NKAIN3: variants seen among roughly 807,000 people sequenced by gnomAD.
NKAIN3 encodes sodium/potassium-transporting ATPase subunit beta-1-interacting protein 3.
Under a neutral mutation model 30.2 loss-of-function variants are expected in NKAIN3, and 25 were observed. The observed-to-expected ratio is 0.83, with a 90% CI of 0.60 to 1.16. The LOEUF (loss-of-function observed/expected upper bound fraction) is 1.16. NKAIN3 is among the 50% of genes most tolerant of loss of function. The probability of loss-of-function intolerance (pLI) is 0.00; values close to 1 mark genes in which losing one functional copy is unlikely to be tolerated. For missense variants in NKAIN3, 225 were observed against 254.1 expected (o/e 0.89, Z 0.78); for synonymous variants, 91 against 89.6 (o/e 1.02, Z -0.09).
rs1018358591 is a variant in NKAIN3 at position 62,400,218 on chromosome 8, T to C, written c.54+151091T>C. Among the ~76,000 whole-genome samples the C allele has an allele frequency of 1.3e-4, 19 of 145,176 alleles. 1 individual carries two copies. Among genetic ancestry groups the C allele is most frequent in the Non-Finnish European group, 2.4e-4 (16 of 66,944 alleles). On this transcript the variant is annotated intron_variant, in intron 1 of 6. Transcript: ENST00000623646. Reference sequence around the variant, plus strand: ...TTTCACTCTGTCACCCAGACTGGAGTGCAGTGGTGTGATCTCAGCTCTCAG... The same window carrying C: ...TTTCACTCTGTCACCCAGACTGGAGCGCAGTGGTGTGATCTCAGCTCTCAG...
At chr8:62,415,989 C>A (rs887319557) in intron 1 of NKAIN3, among the ~76,000 whole-genome samples, 3 of 152,066 alleles carry the variant, frequency 2.0e-5, no homozygotes, top group African/African-American at 4.8e-5. Context: ...ATCTCCTGAC[C>A]TCGTGATCCT....
intron 5 of NKAIN3, among the ~76,000 whole-genome samples, chr8:62,995,653 T>G (rs1016809861): frequency 2.0e-5 from 3 of 151,266 alleles, no homozygotes; most frequent in Non-Finnish European, 4.4e-5. Context: ...GTTGGGAGTT[T>G]AGAGAGGTAG....
chr8:62,853,134 G>A (rs549347714), intron 4 of NKAIN3, among the ~76,000 whole-genome samples: 2 of 152,138 alleles, frequency 1.3e-5, no homozygotes, highest in African/African-American at 4.8e-5. Context: ...GAATCTGGGT[G>A]CTCCTGTATT....
At chr8:62,912,049 TTTAC>T (rs1243130237) in intron 4 of NKAIN3, among the ~76,000 whole-genome samples, 10 of 152,030 alleles carry the variant, frequency 6.6e-5, no homozygotes, top group African/African-American at 2.4e-4. Context: ...CATCATAGAG[TTTAC>T]TTACACAGAA....
chr8:62,331,293 T>G (rs920532031), intron 1 of NKAIN3, among the ~76,000 whole-genome samples: 1 of 151,858 alleles, frequency 6.6e-6, no homozygotes, highest in African/African-American at 2.4e-5. Flanking sequence ...GAGTTAGAAC[T>G]CATACATGTT....
intron 3 of NKAIN3, among the ~76,000 whole-genome samples, chr8:62,660,392 G>C (rs1438117178): frequency 1.3e-5 from 2 of 152,158 alleles, no homozygotes; most frequent in African/African-American, 4.8e-5. Context: ...TTAAGTATAT[G>C]GATAGAGATG....
At chr8:62,281,132 T>C (rs576372359) in intron 1 of NKAIN3, among the ~76,000 whole-genome samples, 139 of 152,072 alleles carry the variant, frequency 9.1e-4, no homozygotes, top group African/African-American at 3.2e-3. Context: ...AATTCATCAA[T>C]TTCTTCTAGA....
chr8:62,812,230 A>C (rs1377636145), intron 4 of NKAIN3, among the ~76,000 whole-genome samples: 3 of 151,886 alleles, frequency 2.0e-5, no homozygotes, highest in Non-Finnish European at 4.4e-5. Context: ...CACTCTCATA[A>C]CTACAACTAT....
chr8:62,816,061 T>C (rs1818668093), intron 4 of NKAIN3, among the ~76,000 whole-genome samples: 1 of 152,202 alleles, frequency 6.6e-6, no homozygotes, highest in South Asian at 2.1e-4. Context: ...TGAAGAGTTA[T>C]TGTGTTCCTT....
At chr8:62,946,178 C>T (rs558691781) in intron 5 of NKAIN3, among the ~76,000 whole-genome samples, 68 of 152,178 alleles carry the variant, frequency 4.5e-4, no homozygotes, top group Non-Finnish European at 1.3e-4. Flanking sequence ...ACTTGGGCAT[C>T]ATCTCCCTGC....
intron 4 of NKAIN3, among the ~76,000 whole-genome samples, chr8:62,870,505 C>A (rs1343151641): frequency 7.5e-6 from 1 of 134,186 alleles, no homozygotes; most frequent in Non-Finnish European, 1.5e-5. Context: ...ACAATATATA[C>A]AATATGTACG....
chr8:62,398,891 A>T (rs555407430), intron 1 of NKAIN3, among the ~76,000 whole-genome samples: 15 of 152,324 alleles, frequency 9.8e-5, no homozygotes, highest in South Asian at 2.1e-4. Flanking sequence ...GGAGATCGAG[A>T]CCATCCTGGC....
chr8:62,499,682 C>T (rs761911193), intron 1 of NKAIN3, among the ~76,000 whole-genome samples: 14 of 152,036 alleles, frequency 9.2e-5, no homozygotes, highest in Non-Finnish European at 1.3e-4. Context: ...AAGATTAGGA[C>T]TTATATATCC....
At chr8:62,694,140 A>G (rs150867097) in intron 3 of NKAIN3, among the ~76,000 whole-genome samples, 4 of 152,188 alleles carry the variant, frequency 2.6e-5, no homozygotes, top group African/African-American at 9.6e-5. Flanking sequence ...ATTGTTCACT[A>G]TAGTCTTTCT....
At chr8:62,459,466 T>C (rs1029173636) in intron 1 of NKAIN3, among the ~76,000 whole-genome samples, 7 of 152,214 alleles carry the variant, frequency 4.6e-5, no homozygotes, top group Non-Finnish European at 8.8e-5. Flanking sequence ...CCTGCTACTT[T>C]CTAGGCTCTA....
At chr8:62,625,985 G>A (rs1370052303) in intron 3 of NKAIN3, among the ~76,000 whole-genome samples, 3 of 152,028 alleles carry the variant, frequency 2.0e-5, no homozygotes, top group African/African-American at 4.8e-5. Flanking sequence ...CTGAGGCGTC[G>A]AGGAAACTGA....
intron 1 of NKAIN3, among the ~76,000 whole-genome samples, chr8:62,538,205 C>T (rs997137501): frequency 1.3e-5 from 2 of 152,224 alleles, no homozygotes; most frequent in Admixed American, 6.5e-5. Context: ...GAGACAGGGC[C>T]TCACTGTTGC....
intron 1 of NKAIN3, among the ~76,000 whole-genome samples, chr8:62,275,577 A>T (rs1418680639): frequency 6.6e-6 from 1 of 152,196 alleles, no homozygotes; most frequent in Non-Finnish European, 1.5e-5. Context: ...TTTAAAGACC[A>T]GCTTTTATGA....
intron 4 of NKAIN3, among the ~76,000 whole-genome samples, chr8:62,885,293 G>A (rs547974317): frequency 1.7e-4 from 26 of 152,270 alleles, no homozygotes; most frequent in African/African-American, 5.8e-4. Context: ...AGATTTTCCA[G>A]CTATCTTTCC....
Sources: allele counts gnomAD v4.1 joint callset (sites outside exome capture counted in the v4.1 genomes callset), GRCh38; gene constraint gnomAD v4.1.1; transcripts MANE v1.5; gene names NCBI Gene and HGNC (gene_info 2026-07-23, HGNC 2026-07-21).